RYR3: variants seen among roughly 807,000 people sequenced by gnomAD.
RYR3 encodes ryanodine receptor 3.
Under a neutral mutation model 584.3 loss-of-function variants are expected in RYR3, and 207 were observed. The ratio of observed to expected loss-of-function variants is 0.35; its 90% confidence interval spans 0.32 to 0.40. RYR3 has a LOEUF of 0.40. Ranked by LOEUF, RYR3 falls within the 10% of genes least tolerant of loss-of-function variation. RYR3 has a pLI of 1.00. For missense variants in RYR3, 5,616 were observed against 6,089.2 expected (o/e 0.92, Z 2.59); for synonymous variants, 2,416 against 2,248.5 (o/e 1.07, Z -2.11).
intron 69 of RYR3, 101 bp from the exon 70 acceptor site, chr15:33,807,454 G>C: frequency 1.8e-6 from 2 of 1,142,704 alleles, no homozygotes; most frequent in Non-Finnish European, 2.6e-6. Context: ...AGAAATGGGG[G>C]CTAAGAAGCT....
chr15:33,483,206 A>T (rs1321760161), intron 2 of RYR3, among the ~76,000 whole-genome samples: 1 of 151,736 alleles, frequency 6.6e-6, no homozygotes, highest in African/African-American at 2.4e-5. Context: ...CTCTTCTCCC[A>T]TTATTCCCAT....
chr15:33,449,810 T>C (rs2046959792), intron 1 of RYR3, among the ~76,000 whole-genome samples: 3 of 151,892 alleles, frequency 2.0e-5, no homozygotes, highest in Non-Finnish European at 4.4e-5. Flanking sequence ...TCAAAGACGG[T>C]GTTCATGCTG....
intron 2 of RYR3, among the ~76,000 whole-genome samples, chr15:33,480,289 T>C (rs1419486394): frequency 1.3e-5 from 2 of 152,176 alleles, no homozygotes; most frequent in African/African-American, 4.8e-5. Context: ...ACTTTACTGC[T>C]CTCTGCCTCA....
chr15:33,521,522 G>A (rs2053982565), intron 3 of RYR3, among the ~76,000 whole-genome samples: 2 of 152,132 alleles, frequency 1.3e-5, no homozygotes, highest in African/African-American at 4.8e-5. Flanking sequence ...AGTAGTGGGC[G>A]GAGGGGGATG....
At chr15:33,676,799 A>T (rs945857326) in intron 38 of RYR3, among the ~76,000 whole-genome samples, 1 of 152,196 alleles carries the variant, frequency 6.6e-6, no homozygotes, top group African/African-American at 2.4e-5. Flanking sequence ...ATAAAAACTC[A>T]TTGTATTGGG....
At chr15:33,628,099 G>A (rs1359494265) in intron 20 of RYR3, among the ~76,000 whole-genome samples, 1 of 152,186 alleles carries the variant, frequency 6.6e-6, no homozygotes, top group Non-Finnish European at 1.5e-5. Flanking sequence ...GTAGGCAGCT[G>A]GAACCATGAG....
chr15:33,860,053 A>G lies in RYR3; in HGVS notation c.14299+322A>G, dbSNP rs543998939. The stretch of plus-strand genomic sequence containing the variant: ...CTTGTCCTCTTCATTTTCTTCCCAG[A>G]GAGGGAGGTAGGGTAGGAGCAGAGG... On this transcript the variant is annotated intron_variant, in intron 100 of 103. Transcript: ENST00000634891. 1.3e-3 allele frequency among the ~76,000 whole-genome samples: 203 copies of G among 152,146 alleles called. 1 individual carries two copies. The highest frequency in any genetic ancestry group is 1.7e-3 in the Non-Finnish European group (116 of 68,010).
rs1390227225 is a variant in RYR3 at position 33,763,840 on chromosome 15, C to T, written c.8706-4818C>T. On this transcript the variant is annotated intron_variant, in intron 60 of 103. Transcript: ENST00000634891. Reference sequence around the variant, plus strand: ...TCCAGGAGGTGGAGGTTGCAGTGAGCCATGATTGCACCATTGCACTCCAGC... The same window carrying T: ...TCCAGGAGGTGGAGGTTGCAGTGAGTCATGATTGCACCATTGCACTCCAGC... Among the ~76,000 whole-genome samples, 5 of 142,272 alleles carry T rather than the reference C, an allele frequency of 3.5e-5. No individual in the cohort carries two copies. In the East Asian group the frequency reaches 1.0e-3, roughly 30 times the overall value. 93.3% of individuals were successfully genotyped at this position (142,272 alleles called of 152,430 possible).
chr15:33,362,092 G>A (rs1974848227), intron 1 of RYR3, among the ~76,000 whole-genome samples: 1 of 152,168 alleles, frequency 6.6e-6, no homozygotes, highest in Admixed American at 6.5e-5. Flanking sequence ...AGAGGTGAAT[G>A]CAAAAGATTA....
chr15:33,529,127 A>G lies in RYR3; in HGVS notation c.280-1465A>G, dbSNP rs566356877. Among the ~76,000 whole-genome samples the G allele has an allele frequency of 2.0e-5, 3 of 152,348 alleles. No individual in the cohort carries two copies. In the South Asian group the frequency reaches 6.2e-4, roughly 32 times the overall value. ...TGACACATTTATAAATACAGAAACT[A>G]AAGTTAGTGCAGATGATTTCAAGAA... On this transcript the variant is annotated intron_variant, in intron 3 of 103. Transcript: ENST00000634891.
chr15:33,468,959 GACA>G (rs1292347325), intron 1 of RYR3, among the ~76,000 whole-genome samples: 1 of 152,206 alleles, frequency 6.6e-6, no homozygotes, highest in African/African-American at 2.4e-5. Context: ...GCAAAATGGA[GACA>G]ACAATAGTGC....
chr15:33,589,593 G>A (rs2059025911), intron 16 of RYR3, among the ~76,000 whole-genome samples: 1 of 152,066 alleles, frequency 6.6e-6, no homozygotes, highest in Non-Finnish European at 1.5e-5. Context: ...ATAGTTTCAG[G>A]TCTTACACTT....
intron 69 of RYR3, 106 bp downstream of exon 69, chr15:33,802,067 C>T (rs1596670848): frequency 2.5e-6 from 2 of 801,498 alleles, no homozygotes; most frequent in South Asian, 2.7e-5. Context: ...GCATTTAGGT[C>T]AAACTACATG....
intron 49 of RYR3, among the ~76,000 whole-genome samples, chr15:33,737,980 G>A (rs1399186310): frequency 2.0e-5 from 3 of 152,078 alleles, no homozygotes; most frequent in African/African-American, 7.2e-5. Flanking sequence ...GAAACAACGG[G>A]TAGTAATTGA....
chr15:33,854,316 C>CT, intron 96 of RYR3, 73 bp from the exon 97 acceptor site: 1 of 1,298,806 alleles, frequency 7.7e-7, no homozygotes, highest in Non-Finnish European at 1.1e-6. Flanking sequence ...AAAAAACTTA[C>CT]TTTTTCCCCC....
intron 16 of RYR3, among the ~76,000 whole-genome samples, chr15:33,588,814 TTG>T (rs35580473): frequency 0.69 from 104,422 of 151,726 alleles, 36,447 homozygotes; most frequent in African/African-American, 0.82. Flanking sequence ...CAGTATTCCA[TTG>T]TGTGTGTGTG....
At chr15:33,384,253 A>C (rs986095894) in intron 1 of RYR3, among the ~76,000 whole-genome samples, 1 of 152,044 alleles carries the variant, frequency 6.6e-6, no homozygotes, top group African/African-American at 2.4e-5. Context: ...ATAGCAACCT[A>C]AATCTTCTGC....
At chr15:33,705,145 A>G (rs1441922265) in intron 42 of RYR3, among the ~76,000 whole-genome samples, 1 of 123,018 alleles carries the variant, frequency 8.1e-6, no homozygotes. Flanking sequence ...CATATGGGCA[A>G]TTATAGCAGC....
At chr15:33,668,335 AC>A (rs1231311129) in intron 36 of RYR3, among the ~76,000 whole-genome samples, 1 of 152,084 alleles carries the variant, frequency 6.6e-6, no homozygotes, top group African/African-American at 2.4e-5. Flanking sequence ...AAACAAACAA[AC>A]AAAAAAACTT....
Sources: allele counts gnomAD v4.1 joint callset (sites outside exome capture counted in the v4.1 genomes callset), GRCh38; gene constraint gnomAD v4.1.1; transcripts MANE v1.5; gene names NCBI Gene and HGNC (gene_info 2026-07-23, HGNC 2026-07-21).